SNTG2: variants seen among roughly 807,000 people sequenced by gnomAD.
SNTG2 encodes the protein syntrophin gamma 2.
A neutral mutation model predicts 70.9 loss-of-function variants in SNTG2; 74 were observed. The ratio of observed to expected loss-of-function variants is 1.04; its 90% confidence interval spans 0.86 to 1.27. The LOEUF is 1.27. SNTG2 is among the 50% of genes most tolerant of loss of function. The probability of loss-of-function intolerance (pLI) is 0.00; values close to 1 mark genes in which losing one functional copy is unlikely to be tolerated. For synonymous variants in SNTG2, 278 were observed against 273.8 expected (o/e 1.02, Z -0.15); for missense variants, 717 against 690.7 (o/e 1.04, Z -0.43).
chr2:1,085,068 C>T (rs1247414033), intron 2 of SNTG2, among the ~76,000 whole-genome samples: 1 of 152,144 alleles, frequency 6.6e-6, no homozygotes, highest in Non-Finnish European at 1.5e-5. Context: ...TTCCCACAAC[C>T]CTGAGGCTTT....
chr2:1,007,415 G>T (rs1233122674), intron 1 of SNTG2, among the ~76,000 whole-genome samples: 2 of 152,184 alleles, frequency 1.3e-5, no homozygotes, highest in Non-Finnish European at 2.9e-5. Context: ...GACCTGACTT[G>T]CCCTTTCCAG....
chr2:1,242,159 G>A (rs139537433), intron 11 of SNTG2, among the ~76,000 whole-genome samples: 285 of 152,138 alleles, frequency 1.9e-3, no homozygotes, highest in Middle Eastern at 0.01. Flanking sequence ...ATGGTTTCAC[G>A]TTTTCTCCAA....
At chr2:1,109,777 G>A (rs543112982) in intron 4 of SNTG2, among the ~76,000 whole-genome samples, 1 of 152,332 alleles carries the variant, frequency 6.6e-6, no homozygotes, top group African/African-American at 2.4e-5. Flanking sequence ...TTATCTGTAA[G>A]ATAGGCCTGG....
chr2:1,187,843 A>T (rs774354063), intron 8 of SNTG2, among the ~76,000 whole-genome samples: 4 of 152,226 alleles, frequency 2.6e-5, no homozygotes, highest in African/African-American at 9.6e-5. Flanking sequence ...CTGTTGAGCT[A>T]TCTTTATGAT....
chr2:1,347,614 C>T (rs1207904143), intron 16 of SNTG2, among the ~76,000 whole-genome samples: 1 of 152,212 alleles, frequency 6.6e-6, no homozygotes, highest in Non-Finnish European at 1.5e-5. Context: ...TGTGTGAACC[C>T]GTATTTCACT....
Position 1,248,902 on chromosome 2 carries a change from T to C in SNTG2, c.1005+1459T>C, listed in dbSNP as rs146941077. Reference sequence around the variant, plus strand: ...GATTCTTCAAACCCTAATGGGCAGATCCTAATTCAATAACCATTGAAAAGC... The same window carrying C: ...GATTCTTCAAACCCTAATGGGCAGACCCTAATTCAATAACCATTGAAAAGC... On this transcript the variant is annotated intron_variant, in intron 12 of 16. Transcript: ENST00000308624. 2.2e-3 allele frequency among the ~76,000 whole-genome samples: 332 copies of C among 152,304 alleles called. 5 individuals carry two copies. Among genetic ancestry groups the C allele is most frequent in the African/African-American group, 7.3e-3 (303 of 41,566 alleles).
At chr2:1,186,940 C>T (rs1253194714) in intron 8 of SNTG2, among the ~76,000 whole-genome samples, 1 of 152,054 alleles carries the variant, frequency 6.6e-6, no homozygotes, top group African/African-American at 2.4e-5. Flanking sequence ...CACTGTTAAG[C>T]AGGACTTTAG....
chr2:1,130,680 C>T (rs1188382210), intron 4 of SNTG2, among the ~76,000 whole-genome samples: 1 of 152,152 alleles, frequency 6.6e-6, no homozygotes, highest in Non-Finnish European at 1.5e-5. Flanking sequence ...CTGAGAAAGT[C>T]TTGTGCCCAA....
At chr2:1,308,939 G>T (rs1452608315) in intron 15 of SNTG2, among the ~76,000 whole-genome samples, 1 of 152,180 alleles carries the variant, frequency 6.6e-6, no homozygotes, top group African/African-American at 2.4e-5. Flanking sequence ...GGTGAACAGT[G>T]CCTGTGCCTG....
intron 1 of SNTG2, among the ~76,000 whole-genome samples, chr2:969,241 G>A (rs4335980): frequency 0.42 from 64,032 of 151,830 alleles, 14,085 homozygotes; most frequent in Middle Eastern, 0.51. Flanking sequence ...TTTTGTACCT[G>A]TACCATGCTG....
At chr2:1,060,850 C>T (rs1466274186) in intron 1 of SNTG2, among the ~76,000 whole-genome samples, 1 of 152,162 alleles carries the variant, frequency 6.6e-6, no homozygotes, top group Non-Finnish European at 1.5e-5. Flanking sequence ...TGAAGTCAGA[C>T]CAGGAGCAGG....
intron 12 of SNTG2, among the ~76,000 whole-genome samples, chr2:1,251,632 A>T (rs1326944259): frequency 6.9e-6 from 1 of 143,954 alleles, no homozygotes; most frequent in Non-Finnish European, 1.5e-5. Flanking sequence ...CACCGCACAC[A>T]CACCACACAA....
chr2:973,693 A>G (rs1187410455), intron 1 of SNTG2, among the ~76,000 whole-genome samples: 2 of 151,768 alleles, frequency 1.3e-5, no homozygotes, highest in Non-Finnish European at 2.9e-5. Flanking sequence ...CAGCTCTGAT[A>G]TGTTCTTTCT....
intron 1 of SNTG2, among the ~76,000 whole-genome samples, chr2:985,329 C>T (rs376824368): frequency 2.0e-4 from 30 of 151,746 alleles, no homozygotes; most frequent in African/African-American, 5.8e-4. Flanking sequence ...GGTGAGAAAA[C>T]GTTTCATGCT....
intron 9 of SNTG2, among the ~76,000 whole-genome samples, chr2:1,219,164 C>G (rs1177683703): frequency 6.6e-6 from 1 of 152,118 alleles, no homozygotes; most frequent in Non-Finnish European, 1.5e-5. Context: ...TGTATGGCAC[C>G]TGCCCTCTTT....
intron 8 of SNTG2, among the ~76,000 whole-genome samples, chr2:1,182,529 T>A (rs1024779918): frequency 2.0e-5 from 3 of 152,174 alleles, no homozygotes; most frequent in Admixed American, 6.5e-5. Flanking sequence ...GCAGCTATAA[T>A]AATAAAAATA....
At chr2:1,110,132 C>T (rs111538127) in intron 4 of SNTG2, among the ~76,000 whole-genome samples, 1,920 of 152,208 alleles carry the variant, frequency 0.013, 36 homozygotes, top group African/African-American at 0.041. Flanking sequence ...AAACCCAGGT[C>T]CCAAAGCTCC....
At chr2:1,250,986 A>G (rs1677719848) in intron 12 of SNTG2, among the ~76,000 whole-genome samples, 1 of 152,252 alleles carries the variant, frequency 6.6e-6, no homozygotes, top group Non-Finnish European at 1.5e-5. Context: ...TAATTTCTGC[A>G]GAAGATGACT....
intron 12 of SNTG2, 122 bp downstream of exon 12, chr2:1,247,565 T>A (rs913763888): frequency 4.6e-6 from 3 of 658,360 alleles, no homozygotes; most frequent in Non-Finnish European, 5.4e-6. Context: ...TGCCGTTTGC[T>A]GTTTCTGCAT....
Sources: gnomAD v4.1 joint callset for allele counts (sites outside exome capture counted in the v4.1 genomes callset) on GRCh38, gnomAD v4.1.1 for gene constraint, MANE v1.5 for transcripts, NCBI Gene and HGNC (gene_info 2026-07-23, HGNC 2026-07-21) for gene names.